PDK1: variants seen among roughly 807,000 people sequenced by gnomAD.
PDK1 encodes the protein pyruvate dehydrogenase kinase 1.
PDK1 carries 39 observed loss-of-function variants against 54.2 expected under a neutral mutation model. That is an observed-to-expected ratio of 0.72 (90% CI 0.56 to 0.94). The LOEUF is 0.94. Ranked by LOEUF, PDK1 falls within the 40% of genes least tolerant of loss-of-function variation. The pLI is 0.00. For missense variants in PDK1, 552 were observed against 566.0 expected (o/e 0.98, Z 0.25); for synonymous variants, 221 against 207.1 (o/e 1.07, Z -0.58).
At chr2:172,581,177 C>T (rs1479299002) in intron 8 of PDK1, among the ~76,000 whole-genome samples, 1 of 152,178 alleles carries the variant, frequency 6.6e-6, no homozygotes, top group Non-Finnish European at 1.5e-5. Flanking sequence ...GCTGCAAGCT[C>T]CGCCTCCCAG....
chr2:172,590,932 A>C (rs1237303869), intron 9 of PDK1, among the ~76,000 whole-genome samples: 1 of 151,950 alleles, frequency 6.6e-6, no homozygotes, highest in African/African-American at 2.4e-5. Context: ...CCCCCCTCTA[A>C]ACAGTATACC....
In PDK1 at chr2:172,595,809, C is replaced by A; in HGVS notation, c.1171-20C>A. On this transcript the variant is annotated intron_variant, in intron 10 of 10. Transcript: ENST00000282077. ...CTAAAAAATGCCAGACTTAATAGGT[C>A]TTAGGTTTTTCTTTTTCAGGCTCTG... 6.2e-7 allele frequency: 1 copy of A among 1,611,062 alleles called. No individual in the cohort carries two copies. The highest frequency in any genetic ancestry group is 1.1e-5 in the South Asian group (1 of 90,896).
At chr2:172,708,246 G>A in the PDK1 span, among the ~76,000 whole-genome samples, 4 of 151,552 alleles carry the variant, frequency 2.6e-5, no homozygotes, top group Non-Finnish European at 2.9e-5. Flanking sequence ...CAATAATTGT[G>A]CCACTGCAGT....
rs569594611 is a variant in PDK1 at position 172,596,966 on chromosome 2, T to G, written c.*997T>G. The G allele has an allele frequency of 5.3e-5, 8 of 152,308 alleles. No homozygotes were observed. The highest frequency in any genetic ancestry group is 1.9e-4 in the African/African-American group (8 of 41,576). The allele number at this position is 152,308 out of a possible 1,614,324, so 9.4% of individuals were successfully genotyped here. ...ATCTGTAGGTTTTGGTTTCCACCTA[T>G]TTAAAGTCAGATTTATAGACTCGAG... On this transcript the variant is annotated 3_prime_UTR_variant, in exon 11 of 11. Transcript: ENST00000282077.
chr2:172,582,291 G>A (rs1019034769), intron 8 of PDK1, among the ~76,000 whole-genome samples: 9 of 152,148 alleles, frequency 5.9e-5, no homozygotes, highest in South Asian at 2.1e-4. Context: ...CAGTGAAAAC[G>A]CTGTTGGCTA....
At chr2:172,655,466 T>G in the PDK1 span, among the ~76,000 whole-genome samples, 6 of 152,346 alleles carry the variant, frequency 3.9e-5, no homozygotes, top group South Asian at 1.2e-3. Context: ...TTTGGTTATT[T>G]CACATTCACA....
chr2:172,593,021 C>T lies in PDK1; in HGVS notation c.1143C>T (p.Tyr381=), dbSNP rs374803593. The T allele has an allele frequency of 2.4e-4, 378 of 1,594,612 alleles. 2 individuals carry two copies. Among genetic ancestry groups the T allele is most frequent in the Non-Finnish European group, 2.1e-4 (248 of 1,162,872 alleles). Reference sequence around the variant, plus strand: ...TGAAGCTGTATTCCCTAGAGGGTTACGGGACAGATGCAGTTATCTACATTA... The same window carrying T: ...TGAAGCTGTATTCCCTAGAGGGTTATGGGACAGATGCAGTTATCTACATTA... ...GDLKLYSLEG[Y]GTDAVIYIKA... Residue 381 remains tyrosine, a synonymous_variant, in exon 10 of 11, where the codon TAC becomes TAT. Transcript: ENST00000282077.
chr2:172,560,559 AC>A (rs1437840408), intron 2 of PDK1, among the ~76,000 whole-genome samples: 1 of 152,088 alleles, frequency 6.6e-6, no homozygotes, highest in Non-Finnish European at 1.5e-5. Flanking sequence ...TGGGATTCAA[AC>A]CCCCATTTGT....
chr2:172,641,862 T>C, the PDK1 span, among the ~76,000 whole-genome samples: 1 of 152,118 alleles, frequency 6.6e-6, no homozygotes, highest in Non-Finnish European at 1.5e-5. Context: ...ACAACCTGCC[T>C]TGGGGAAGAA....
At chr2:172,589,052 C>T (rs77122575) in intron 9 of PDK1, among the ~76,000 whole-genome samples, 2,084 of 152,168 alleles carry the variant, frequency 0.014, 52 homozygotes, top group African/African-American at 0.047. Flanking sequence ...GTAGATCCAC[C>T]AGTGGACTAG....
the PDK1 span, among the ~76,000 whole-genome samples, chr2:172,620,708 CTCG>C: frequency 6.6e-6 from 1 of 152,112 alleles, no homozygotes; most frequent in African/African-American, 2.4e-5. Context: ...CTCGCAAGAT[CTCG>C]TCATTTAAAA....
chr2:172,556,350 A>C lies in PDK1; in HGVS notation c.196+4A>C. On this transcript the variant is annotated splice_donor_region_variant and intron_variant, in intron 1 of 10. Coordinates refer to ENST00000282077, the MANE Select transcript of PDK1 (RefSeq NM_002610.5). ...ATGAAGCAGTTCCTGGACTTCGGTGAGTGCGGCCCGGGACCTTGGGCCTTT... is the reference window on the plus strand; with the variant it reads ...ATGAAGCAGTTCCTGGACTTCGGTGCGTGCGGCCCGGGACCTTGGGCCTTT... 1 of 1,437,324 alleles carries C rather than the reference A, an allele frequency of 7.0e-7. No individual in the cohort carries two copies. 89.0% of individuals were successfully genotyped at this position (1,437,324 alleles called of 1,614,324 possible). A position where few individuals can be genotyped will look rare whatever the true frequency, so the allele number is the denominator to read the frequency against.
chr2:172,634,795 GT>G, the PDK1 span, among the ~76,000 whole-genome samples: 6 of 149,646 alleles, frequency 4.0e-5, no homozygotes, highest in South Asian at 2.1e-4. Context: ...AAAAGATAAG[GT>G]TTTTTATTTT....
rs374715917 is a variant in PDK1 at position 172,607,971 on chromosome 2, T to C, written c.*12002T>C. ...TGTTAGACTGTAGTTATCCAAGCAG[T>C]ATCAGATAGTGTGCAGTTTTTGTAG... is the stretch of plus-strand genomic sequence containing the variant. On this transcript the variant is annotated 3_prime_UTR_variant, in exon 11 of 11. Transcript: ENST00000282077. 10 of 152,330 alleles carry C rather than the reference T, an allele frequency of 6.6e-5. No individual in the cohort carries two copies. The highest frequency in any genetic ancestry group is 2.4e-4 in the African/African-American group (10 of 41,578). The allele number at this position is 152,330 out of a possible 1,614,324, so 9.4% of individuals were successfully genotyped here. A position where few individuals can be genotyped will look rare whatever the true frequency, so the allele number is the denominator to read the frequency against.
Position 172,608,326 on chromosome 2 carries a change from C to A in PDK1, c.*12357C>A, listed in dbSNP as rs1691360954. The A allele has an allele frequency of 6.6e-6, 1 of 152,174 alleles. No homozygotes were observed. The highest frequency in any genetic ancestry group is 2.4e-5 in the African/African-American group (1 of 41,412). 9.4% of individuals were successfully genotyped at this position (152,174 alleles called of 1,614,324 possible). A position where few individuals can be genotyped will look rare whatever the true frequency, so the allele number is the denominator to read the frequency against. On this transcript the variant is annotated 3_prime_UTR_variant, in exon 11 of 11. Transcript: ENST00000282077. ...GGTCGTTTTAGTTTATAACATTTTC[C>A]TTCCGATTCTAGGTGATTATATAGC...
chr2:172,698,692 C>T, the PDK1 span, among the ~76,000 whole-genome samples: 1 of 152,166 alleles, frequency 6.6e-6, no homozygotes, highest in East Asian at 1.9e-4. Context: ...TCCCAGGTGA[C>T]GCTGAAGCTG....
At chr2:172,637,046 A>G in the PDK1 span, among the ~76,000 whole-genome samples, 4 of 152,268 alleles carry the variant, frequency 2.6e-5, no homozygotes, top group Non-Finnish European at 5.9e-5. Flanking sequence ...AGCTGTTTAT[A>G]TAACTGTTTA....
chr2:172,600,616 G>A lies in PDK1; in HGVS notation c.*4647G>A, dbSNP rs1691080683. ...TTAATAGGCAAAAGGAAACAGCTCT[G>A]TTACAGAGAGGGGTTCCGAGCAGGT... On this transcript the variant is annotated 3_prime_UTR_variant, in exon 11 of 11. Transcript: ENST00000282077. 6.6e-6 allele frequency: 1 copy of A among 152,184 alleles called. No homozygotes were observed. Among genetic ancestry groups the A allele is most frequent in the Non-Finnish European group, 1.5e-5 (1 of 68,044 alleles). 9.4% of individuals were successfully genotyped at this position (152,184 alleles called of 1,614,324 possible).
At chr2:172,618,527 G>A in the PDK1 span, among the ~76,000 whole-genome samples, 1 of 152,174 alleles carries the variant, frequency 6.6e-6, no homozygotes, top group Admixed American at 6.5e-5. Context: ...TGAAGCCAAA[G>A]ATGAATAAAG....
Sources: allele counts gnomAD v4.1 joint callset (sites outside exome capture counted in the v4.1 genomes callset), GRCh38; gene constraint gnomAD v4.1.1; transcripts MANE v1.5; gene names NCBI Gene and HGNC (gene_info 2026-07-23, HGNC 2026-07-21).